GPHN: variants seen among roughly 807,000 people sequenced by gnomAD.
GPHN encodes gephyrin.
Under a neutral mutation model 95.5 loss-of-function variants are expected in GPHN, and 17 were observed. The ratio of observed to expected loss-of-function variants is 0.18; its 90% CI spans 0.12 to 0.27. GPHN has a LOEUF of 0.27. GPHN is among the 10% of genes least tolerant of loss of function. GPHN has a pLI of 1.00. For synonymous variants in GPHN, 320 were observed against 322.5 expected, an observed-to-expected ratio of 0.99 and a Z score of 0.08; for missense variants, 660 against 978.1, an observed-to-expected ratio of 0.67 and a Z score of 4.34.
Position 66,858,886 on chromosome 14 carries a change from TGTG to T in GPHN, c.295-21045_295-21043del, listed in dbSNP as rs955638476. ...CTGACAGTACTCCCCTTGGGTCTGTTGTGGTGGTGGCCATAAGGTGAGGCTCCT... is the reference window on the plus strand; with the variant it reads ...CTGACAGTACTCCCCTTGGGTCTGTTGTGGTGGCCATAAGGTGAGGCTCCT... On this transcript the variant is annotated intron_variant, in intron 4 of 22. Transcript: ENST00000478722. 7.9e-5 allele frequency among the ~76,000 whole-genome samples: 12 copies of T among 152,194 alleles called. 1 individual carries two copies. Among genetic ancestry groups the T allele is most frequent in the South Asian group, 6.2e-4 (3 of 4,816 alleles).
chr14:67,531,671 T>C, the GPHN span, among the ~76,000 whole-genome samples: 1 of 151,012 alleles, frequency 6.6e-6, no homozygotes, highest in Non-Finnish European at 1.5e-5. Context: ...TCCCAGCACT[T>C]TGGGAGGCCG....
chr14:66,746,124 A>G (rs569740720), intron 2 of GPHN, among the ~76,000 whole-genome samples: 45 of 152,318 alleles, frequency 3.0e-4, no homozygotes, highest in South Asian at 1.0e-3. Context: ...GCTGTCACAA[A>G]TAAATCTACT....
At chr14:67,612,519 G>A in the GPHN span, among the ~76,000 whole-genome samples, 1 of 152,286 alleles carries the variant, frequency 6.6e-6, no homozygotes, top group East Asian at 1.9e-4. Context: ...AATTGACGAA[G>A]GGTTCTGAAG....
At chr14:67,278,226 G>A in the GPHN span, among the ~76,000 whole-genome samples, 1 of 151,990 alleles carries the variant, frequency 6.6e-6, no homozygotes, top group Admixed American at 6.6e-5. Context: ...TCTTAGTAGA[G>A]ACGGGGTTTT....
intron 17 of GPHN, among the ~76,000 whole-genome samples, chr14:67,126,982 A>AT (rs538456362): frequency 1.8e-3 from 281 of 152,062 alleles, no homozygotes; most frequent in African/African-American, 6.3e-3. Context: ...CATTCTCAGT[A>AT]AACTATCGCA....
At chr14:67,148,858 G>A (rs983566420) in intron 18 of GPHN, among the ~76,000 whole-genome samples, 3 of 151,474 alleles carry the variant, frequency 2.0e-5, no homozygotes, top group Non-Finnish European at 4.4e-5. Flanking sequence ...GAGCCACCGC[G>A]CCCGGCCAGT....
At chr14:66,893,720 C>T (rs147267925) in intron 5 of GPHN, among the ~76,000 whole-genome samples, 77 of 149,290 alleles carry the variant, frequency 5.2e-4, no homozygotes, top group African/African-American at 1.8e-3. Flanking sequence ...ACACCAATAA[C>T]AGACAAACAG....
At chr14:67,337,178 G>A in the GPHN span, among the ~76,000 whole-genome samples, 1 of 152,218 alleles carries the variant, frequency 6.6e-6, no homozygotes, top group Non-Finnish European at 1.5e-5. Flanking sequence ...CTATCTTATA[G>A]GAGATGTTAA....
the GPHN span, among the ~76,000 whole-genome samples, chr14:67,464,435 G>A: frequency 6.6e-6 from 1 of 151,328 alleles, no homozygotes; most frequent in Non-Finnish European, 1.5e-5. Context: ...CTGTCCCCCT[G>A]CCCCCACCCT....
intron 1 of GPHN, among the ~76,000 whole-genome samples, chr14:66,624,028 G>A (rs2063421406): frequency 6.6e-6 from 1 of 152,124 alleles, no homozygotes; most frequent in Admixed American, 6.5e-5. Flanking sequence ...TCTACACAGT[G>A]CTCCTCATGT....
At chr14:67,726,252 C>T in the GPHN span, 1 of 809,402 alleles carries the variant, frequency 1.2e-6, no homozygotes, top group East Asian at 2.5e-5. Flanking sequence ...CAGGGGCCTT[C>T]ATAGAGCCTA....
intron 1 of GPHN, among the ~76,000 whole-genome samples, chr14:66,583,321 C>CTATTT (rs2061277718): frequency 6.6e-6 from 1 of 152,018 alleles, no homozygotes; most frequent in Admixed American, 6.6e-5. Flanking sequence ...AAAATTTTCT[C>CTATTT]CCAATCTGTA....
chr14:67,034,953 A>G (rs1487121875), intron 10 of GPHN, among the ~76,000 whole-genome samples: 1 of 152,136 alleles, frequency 6.6e-6, no homozygotes, highest in African/African-American at 2.4e-5. Context: ...ACCCAACAAT[A>G]GTAAAATACA....
At chr14:67,287,306 G>GTT in the GPHN span, among the ~76,000 whole-genome samples, 15 of 149,264 alleles carry the variant, frequency 1.0e-4, no homozygotes, top group East Asian at 3.9e-4. Context: ...CATTTCCTTA[G>GTT]TTTTTTTTTT....
chr14:66,541,721 G>A (rs767981946), intron 1 of GPHN, among the ~76,000 whole-genome samples: 44 of 152,302 alleles, frequency 2.9e-4, no homozygotes, highest in South Asian at 1.2e-3. Context: ...GGAGGTACAC[G>A]AGGCCTGGTA....
the GPHN span, among the ~76,000 whole-genome samples, chr14:67,273,288 A>T: frequency 2.0e-5 from 3 of 147,110 alleles, no homozygotes; most frequent in Admixed American, 2.0e-4. Flanking sequence ...CAACCCCACG[A>T]CAGGCCCCGA....
chr14:67,225,445 C>CA, the GPHN span, among the ~76,000 whole-genome samples: 5 of 152,230 alleles, frequency 3.3e-5, no homozygotes, highest in African/African-American at 1.2e-4. Flanking sequence ...CATCATGGGT[C>CA]AAAAGATAAC....
At chr14:66,652,170 A>G (rs919552949) in intron 1 of GPHN, among the ~76,000 whole-genome samples, 3 of 152,114 alleles carry the variant, frequency 2.0e-5, no homozygotes, top group Admixed American at 6.5e-5. Flanking sequence ...TCATGCAACA[A>G]ATATTTATTA....
chr14:67,589,704 T>C, the GPHN span: 3 of 998,606 alleles, frequency 3.0e-6, no homozygotes, highest in East Asian at 2.1e-4. Flanking sequence ...TATTGGAAAA[T>C]ATAGCTTTCT....
Sources: allele counts gnomAD v4.1 joint callset (sites outside exome capture counted in the v4.1 genomes callset), GRCh38; gene constraint gnomAD v4.1.1; transcripts MANE v1.5; gene names NCBI Gene and HGNC (gene_info 2026-07-23, HGNC 2026-07-21).